CRACD: variants seen among roughly 807,000 people sequenced by gnomAD.
CRACD encodes the protein capping protein-inhibiting regulator of actin dynamics.
CRACD carries 56 observed loss-of-function variants against 106.8 expected under a neutral mutation model. The observed-to-expected ratio is 0.52, with a 90% CI of 0.42 to 0.66. The LOEUF (loss-of-function observed/expected upper bound fraction) is 0.66, where lower values mean the gene tolerates loss of function less well. Among genes scored for constraint, CRACD ranks in the 30% least tolerant of loss-of-function variants. CRACD has a pLI of 0.00. For synonymous variants in CRACD, 754 were observed against 670.8 expected, an observed-to-expected ratio of 1.12 and a Z score of -1.92; for missense variants, 1,730 against 1,623.2, an observed-to-expected ratio of 1.07 and a Z score of -1.13.
chr4:56,070,922 G>T (rs1732627850), intron 1 of CRACD, among the ~76,000 whole-genome samples: 2 of 143,200 alleles, frequency 1.4e-5, no homozygotes, highest in Admixed American at 7.1e-5. Context: ...TAGGTTCTCA[G>T]GAGGAGAGGC....
chr4:56,187,452 A>G (rs1737136048), intron 2 of CRACD, among the ~76,000 whole-genome samples: 1 of 152,058 alleles, frequency 6.6e-6, no homozygotes, highest in African/African-American at 2.4e-5. Flanking sequence ...CGTTTCTTTC[A>G]TTTATGTAAC....
At chr4:56,099,117 G>A (rs947538336) in intron 1 of CRACD, among the ~76,000 whole-genome samples, 2 of 152,164 alleles carry the variant, frequency 1.3e-5, no homozygotes, top group Non-Finnish European at 2.9e-5. Flanking sequence ...CTTGAAGAAT[G>A]GGTGACTGTG....
intron 3 of CRACD, among the ~76,000 whole-genome samples, chr4:56,273,359 CCCT>C (rs965341417): frequency 1.4e-5 from 2 of 147,954 alleles, no homozygotes; most frequent in African/African-American, 4.9e-5. Context: ...CTCCCTCCCT[CCCT>C]CGTTTCTTCC....
chr4:56,181,981 G>C (rs1429610988), intron 2 of CRACD, among the ~76,000 whole-genome samples: 1 of 152,124 alleles, frequency 6.6e-6, no homozygotes, highest in Non-Finnish European at 1.5e-5. Flanking sequence ...AACCATCACA[G>C]CTACCTTAAA....
chr4:56,278,108 T>C (rs1742782382), intron 3 of CRACD, among the ~76,000 whole-genome samples: 1 of 152,140 alleles, frequency 6.6e-6, no homozygotes, highest in Non-Finnish European at 1.5e-5. Context: ...TTCAATGTGG[T>C]CCCCATCAAA....
intron 2 of CRACD, among the ~76,000 whole-genome samples, chr4:56,226,698 C>A (rs1303597258): frequency 1.3e-5 from 2 of 151,974 alleles, no homozygotes; most frequent in African/African-American, 4.8e-5. Context: ...GGGGGTGAAT[C>A]CCTCATGAAT....
At chr4:56,125,521 C>T (rs1734628640) in intron 1 of CRACD, among the ~76,000 whole-genome samples, 1 of 152,064 alleles carries the variant, frequency 6.6e-6, no homozygotes, top group Non-Finnish European at 1.5e-5. Flanking sequence ...TGGGCTCTAG[C>T]AGTCCTCCCA....
chr4:56,235,947 G>A (rs1436210255), intron 2 of CRACD, among the ~76,000 whole-genome samples: 8 of 152,164 alleles, frequency 5.3e-5, no homozygotes, highest in Admixed American at 2.6e-4. Flanking sequence ...CCCACCATCC[G>A]TGCATGAATC....
At position 56,263,022 on chromosome 4, in the gene CRACD, C is replaced by G. The variant is rs1560507768; in HGVS notation, c.-188-9299C>G. On this transcript the variant is annotated intron_variant, in intron 2 of 10. Coordinates refer to ENST00000682029, the MANE Select transcript of CRACD (RefSeq NM_001393381.1). The stretch of plus-strand genomic sequence containing the variant: ...GGCATCACGATGGGTGTTGCAGATG[C>G]AGAGACACACAAGGCACAGTCCCTG... 4.6e-5 allele frequency among the ~76,000 whole-genome samples: 7 copies of G among 152,110 alleles called. 1 individual carries two copies. Among genetic ancestry groups the G allele is most frequent in the Admixed American group, 3.9e-4 (6 of 15,280 alleles).
At chr4:56,212,863 G>A (rs140895364) in intron 2 of CRACD, among the ~76,000 whole-genome samples, 4 of 152,162 alleles carry the variant, frequency 2.6e-5, no homozygotes, top group African/African-American at 9.7e-5. Flanking sequence ...TTAATTATTG[G>A]ATCCAATCTG....
intron 1 of CRACD, among the ~76,000 whole-genome samples, chr4:56,127,786 T>G (rs1734705998): frequency 6.6e-6 from 1 of 152,172 alleles, no homozygotes; most frequent in South Asian, 2.1e-4. Flanking sequence ...AGGATTGATG[T>G]GTGGTTTCCT....
intron 1 of CRACD, among the ~76,000 whole-genome samples, chr4:56,156,021 T>A (rs910210634): frequency 1.3e-5 from 2 of 152,152 alleles, no homozygotes; most frequent in Non-Finnish European, 2.9e-5. Flanking sequence ...TGGAGTGCAG[T>A]GGTGTGATCT....
intron 2 of CRACD, among the ~76,000 whole-genome samples, chr4:56,184,816 T>C (rs532699595): frequency 2.2e-4 from 33 of 152,320 alleles, no homozygotes; most frequent in African/African-American, 7.7e-4. Flanking sequence ...TCCTCCTTTT[T>C]CCCCAGTAGT....
At chr4:56,253,309 A>G (rs1741154469) in intron 2 of CRACD, among the ~76,000 whole-genome samples, 1 of 152,242 alleles carries the variant, frequency 6.6e-6, no homozygotes, top group Non-Finnish European at 1.5e-5. Context: ...TAGGTAATTG[A>G]TAACGTTATA....
intron 3 of CRACD, among the ~76,000 whole-genome samples, chr4:56,290,079 G>T (rs111650941): frequency 6.6e-6 from 1 of 152,180 alleles, no homozygotes; most frequent in Non-Finnish European, 1.5e-5. Flanking sequence ...CAGTTTACTC[G>T]TAGAGACTCA....
chr4:56,140,396 C>G (rs1222255353), intron 1 of CRACD, among the ~76,000 whole-genome samples: 1 of 152,182 alleles, frequency 6.6e-6, no homozygotes, highest in Non-Finnish European at 1.5e-5. Flanking sequence ...CATGCACCTT[C>G]TATTAGAGTT....
At chr4:56,296,934 T>C (rs1268078245) in intron 3 of CRACD, among the ~76,000 whole-genome samples, 2 of 151,378 alleles carry the variant, frequency 1.3e-5, no homozygotes, top group Non-Finnish European at 2.9e-5. Context: ...TTTTTTTTTT[T>C]TGAGACTGAG....
At chr4:56,310,602 T>G in intron 5 of CRACD, 64 bp from the exon 6 acceptor site, 1 of 1,163,588 alleles carries the variant, frequency 8.6e-7, no homozygotes, top group Non-Finnish European at 1.3e-6. Context: ...ACAGACAGTG[T>G]CTGGTTATTT....
intron 1 of CRACD, among the ~76,000 whole-genome samples, chr4:56,071,758 A>G (rs1467020773): frequency 2.6e-5 from 4 of 151,730 alleles, no homozygotes; most frequent in Non-Finnish European, 5.9e-5. Context: ...TGATTCACCC[A>G]CCTCGGCCTC....
Sources: allele counts gnomAD v4.1 joint callset (sites outside exome capture counted in the v4.1 genomes callset), GRCh38; gene constraint gnomAD v4.1.1; transcripts MANE v1.5; gene names NCBI Gene and HGNC (gene_info 2026-07-23, HGNC 2026-07-21).